The following SENP6 variants were observed in gnomAD, a reference collection of about 807,000 sequenced individuals.
SENP6 encodes SUMO specific peptidase 6, also known as sentrin-specific protease 6.
SENP6 carries 41 observed loss-of-function variants against 134.5 expected under a neutral mutation model. The ratio of observed to expected loss-of-function variants is 0.30; its 90% CI spans 0.24 to 0.40. SENP6 has a LOEUF of 0.40. Among genes scored for constraint, SENP6 ranks in the 10% least tolerant of loss-of-function variants. The pLI, the probability that SENP6 is intolerant of heterozygous loss-of-function variation, is 1.00. For missense variants in SENP6, 1,248 were observed against 1,312.5 expected, an observed-to-expected ratio of 0.95 and a Z score of 0.76; for synonymous variants, 395 against 429.8, an observed-to-expected ratio of 0.92 and a Z score of 1.00.
At chr6:75,614,221 A>G (rs1319108441) in intron 1 of SENP6, among the ~76,000 whole-genome samples, 1 of 151,304 alleles carries the variant, frequency 6.6e-6, no homozygotes. Context: ...CACTTAGTTA[A>G]GGTGGTGTTC....
chr6:75,712,754 CTAAT>C (rs1262819125), intron 21 of SENP6, among the ~76,000 whole-genome samples: 1 of 151,670 alleles, frequency 6.6e-6, no homozygotes, highest in Non-Finnish European at 1.5e-5. Context: ...AAGTTCTAAA[CTAAT>C]TATTTCATGT....
At chr6:75,615,835 A>AT (rs1419495892) in intron 1 of SENP6, among the ~76,000 whole-genome samples, 1 of 152,136 alleles carries the variant, frequency 6.6e-6, no homozygotes, top group Non-Finnish European at 1.5e-5. Context: ...CTGAGTTTTG[A>AT]TTTTTTGGGA....
rs1276199113 is a variant in SENP6 at position 75,634,638 on chromosome 6, AG to A, written c.354-68del. On this transcript the variant is annotated intron_variant, in intron 4 of 23. Coordinates refer to ENST00000447266, the MANE Select transcript of SENP6 (RefSeq NM_015571.4). ...TTTGTGTGTTTGTTCAGATTTTAAAAGATTTTTTTTATAAATGTGTATATAA... is the reference window on the plus strand; with the variant it reads ...TTTGTGTGTTTGTTCAGATTTTAAAAATTTTTTTTATAAATGTGTATATAA... 14 of 843,064 alleles carry A rather than the reference AG, an allele frequency of 1.7e-5. No homozygotes were observed. The South Asian group carries it at 2.1e-4, about 13-fold the overall frequency. The allele number at this position is 843,064 out of a possible 1,614,324, so 52.2% of individuals were successfully genotyped here.
chr6:75,717,786 C>T lies in SENP6; in HGVS notation c.*2192C>T, dbSNP rs1776083465. On this transcript the variant is annotated 3_prime_UTR_variant, in exon 24 of 24. Coordinates refer to ENST00000447266, the MANE Select transcript of SENP6 (RefSeq NM_015571.4). ...AAACTGCATGACAAGTATCTGGTGT[C>T]TTAACTAATTAGATAGATCTGTTGT... The T allele has an allele frequency of 6.6e-6, 1 of 152,106 alleles. No individual in the cohort carries two copies. Among genetic ancestry groups the T allele is most frequent in the Non-Finnish European group, 1.5e-5 (1 of 68,002 alleles). The allele number at this position is 152,106 out of a possible 1,614,324, so 9.4% of individuals were successfully genotyped here.
chr6:75,603,479 C>CT (rs1766794257), intron 1 of SENP6, among the ~76,000 whole-genome samples: 1 of 152,268 alleles, frequency 6.6e-6, no homozygotes, highest in Non-Finnish European at 1.5e-5. Context: ...GAGACTCATT[C>CT]TTCTTGTTAA....
At position 75,717,758 on chromosome 6, in the gene SENP6, CT is replaced by C. The variant is rs1776082847; in HGVS notation, c.*2165del. On this transcript the variant is annotated 3_prime_UTR_variant, in exon 24 of 24. Transcript: ENST00000447266. ...ACTTATAGAGGTTTGTTACTAGACA[CT>C]GAAACTGCATGACAAGTATCTGGTG... 1 of 152,272 alleles carries C rather than the reference CT, an allele frequency of 6.6e-6. No individual in the cohort carries two copies. The highest frequency in any genetic ancestry group is 3.4e-3 in the Middle Eastern group (1 of 294). The allele number at this position is 152,272 out of a possible 1,614,324, so 9.4% of individuals were successfully genotyped here. A position where few individuals can be genotyped will look rare whatever the true frequency, so the allele number is the denominator to read the frequency against.
chr6:75,658,451 A>G (rs1162582446), intron 7 of SENP6, among the ~76,000 whole-genome samples: 1 of 152,148 alleles, frequency 6.6e-6, no homozygotes, highest in African/African-American at 2.4e-5. Flanking sequence ...TTTGGTTTAC[A>G]GATTCTTCAC....
In SENP6 at chr6:75,668,151, A is replaced by C. The variant is rs548499117; in HGVS notation, c.1224+1210A>C. On this transcript the variant is annotated intron_variant, in intron 10 of 23. Transcript: ENST00000447266. Reference sequence around the variant, plus strand: ...AATATATGGATTTACTTATTTACTTACTTATTTAAAGGGGGGATCTTGCTC... The same window carrying C: ...AATATATGGATTTACTTATTTACTTCCTTATTTAAAGGGGGGATCTTGCTC... 5.9e-5 allele frequency among the ~76,000 whole-genome samples: 9 copies of C among 152,280 alleles called. No individual in the cohort carries two copies. The South Asian group carries it at 1.7e-3, about 28-fold the overall frequency.
At chr6:75,631,769 T>C (rs1561984567) in intron 3 of SENP6, among the ~76,000 whole-genome samples, 1 of 152,248 alleles carries the variant, frequency 6.6e-6, no homozygotes, top group African/African-American at 2.4e-5. Context: ...TACTTACTTT[T>C]AGCCCTTGGC....
intron 18 of SENP6, chr6:75,697,864 G>C (rs1278414142): frequency 5.9e-6 from 1 of 170,404 alleles, no homozygotes; most frequent in Non-Finnish European, 1.2e-5. Flanking sequence ...AAAGGAATTG[G>C]AATCTTAAGT....
chr6:75,703,139 AT>A (rs1775157045), intron 19 of SENP6, 67 bp downstream of exon 19: 1 of 1,274,540 alleles, frequency 7.8e-7, no homozygotes, highest in African/African-American at 1.5e-5. Context: ...AATAAACAGG[AT>A]TAAGATCCTG....
At chr6:75,665,295 A>C (rs1772116967) in intron 9 of SENP6, among the ~76,000 whole-genome samples, 1 of 152,148 alleles carries the variant, frequency 6.6e-6, no homozygotes, top group Middle Eastern at 3.2e-3. Flanking sequence ...CAAAAAAAAA[A>C]AAAAAAGTGA....
intron 1 of SENP6, among the ~76,000 whole-genome samples, chr6:75,612,431 A>G (rs1203799755): frequency 6.6e-6 from 1 of 152,166 alleles, no homozygotes; most frequent in Non-Finnish European, 1.5e-5. Flanking sequence ...TCCTGGGCTC[A>G]AGGGATCCTC....
chr6:75,633,465 A>C (rs1193780625), intron 3 of SENP6, 116 bp from the exon 4 acceptor site: 2 of 821,806 alleles, frequency 2.4e-6, no homozygotes, highest in Non-Finnish European at 3.6e-6. Context: ...AATGCTATCC[A>C]CCATCATTCC....
At chr6:75,639,296 TTATC>T (rs1769846752) in intron 5 of SENP6, among the ~76,000 whole-genome samples, 1 of 152,202 alleles carries the variant, frequency 6.6e-6, no homozygotes, top group African/African-American at 2.4e-5. Flanking sequence ...TTTCTGTCAT[TTATC>T]TAACCTATGT....
chr6:75,604,847 C>A (rs1463620053), intron 1 of SENP6, among the ~76,000 whole-genome samples: 1 of 151,866 alleles, frequency 6.6e-6, no homozygotes, highest in Admixed American at 6.6e-5. Flanking sequence ...CCGAGATGAA[C>A]GGATCACCTG....
intron 1 of SENP6, among the ~76,000 whole-genome samples, chr6:75,602,787 AG>A (rs1261274617): frequency 6.6e-6 from 1 of 152,066 alleles, no homozygotes; most frequent in Non-Finnish European, 1.5e-5. Flanking sequence ...GGTTCGGCCC[AG>A]GGGGCGCGGG....
intron 16 of SENP6, among the ~76,000 whole-genome samples, chr6:75,693,908 G>A (rs1195121921): frequency 2.0e-5 from 3 of 151,948 alleles, no homozygotes; most frequent in Admixed American, 2.0e-4. Context: ...TGATATAAAC[G>A]ACTATTGTTA....
intron 16 of SENP6, among the ~76,000 whole-genome samples, chr6:75,682,534 TC>T (rs1256523949): frequency 6.6e-6 from 1 of 152,114 alleles, no homozygotes; most frequent in African/African-American, 2.4e-5. Context: ...TAGGTATTTC[TC>T]CTAATGCTAT....
Sources: allele counts gnomAD v4.1 joint callset (sites outside exome capture counted in the v4.1 genomes callset), GRCh38; gene constraint gnomAD v4.1.1; transcripts MANE v1.5; gene names NCBI Gene and HGNC (gene_info 2026-07-23, HGNC 2026-07-21).